GRAMD1C: variants seen among roughly 807,000 people sequenced by gnomAD.
The protein encoded by GRAMD1C is protein Aster-C.
In GRAMD1C, 89 loss-of-function variants were observed where a neutral mutation model predicts 97.8. The observed-to-expected ratio is 0.91, with a 90% CI of 0.77 to 1.09. The LOEUF is 1.09. GRAMD1C is among the 50% of genes least tolerant of loss of function. GRAMD1C has a pLI of 0.00. For missense variants in GRAMD1C, 740 were observed against 766.4 expected, an observed-to-expected ratio of 0.97 and a Z score of 0.41; for synonymous variants, 256 against 267.0, an observed-to-expected ratio of 0.96 and a Z score of 0.40.
intron 13 of GRAMD1C, among the ~76,000 whole-genome samples, chr3:113,935,042 C>A (rs758102575): frequency 2.0e-5 from 3 of 152,074 alleles, no homozygotes; most frequent in Non-Finnish European, 4.4e-5. Flanking sequence ...CCGTGCCTGG[C>A]CGAACAAACA....
rs1264917412 is a variant in GRAMD1C, at chr3:113,875,403, C to T, written c.260-81C>T. On this transcript the variant is annotated intron_variant, in intron 3 of 17. Transcript: ENST00000358160. ...CTAATGAACAAAAAGTGATGACTTT[C>T]CATCTGTTGAAATATAGTATAAGGT... is the stretch of plus-strand genomic sequence containing the variant. The T allele has an allele frequency of 4.3e-6, 3 of 699,232 alleles. No homozygotes were observed. The African/African-American group carries it at 5.3e-5, about 12-fold the overall frequency. The allele number at this position is 699,232 out of a possible 1,614,324, so 43.3% of individuals were successfully genotyped here.
intron 6 of GRAMD1C, chr3:113,885,270 C>A: frequency 7.3e-7 from 1 of 1,365,400 alleles, no homozygotes; most frequent in East Asian, 2.4e-5. Flanking sequence ...TGGGGGCCTC[C>A]GGGGCCGGCG....
chr3:113,925,896 C>T (rs1224384676), intron 10 of GRAMD1C, among the ~76,000 whole-genome samples: 1 of 152,210 alleles, frequency 6.6e-6, no homozygotes, highest in South Asian at 2.1e-4. Context: ...TATAGGCCCT[C>T]AAGCCCTCAA....
chr3:113,862,020 T>C (rs1934396531), intron 2 of GRAMD1C, among the ~76,000 whole-genome samples: 1 of 152,094 alleles, frequency 6.6e-6, no homozygotes, highest in Non-Finnish European at 1.5e-5. Context: ...ACAAATAGGG[T>C]GTGGGTCACA....
chr3:113,891,526 G>A (rs950101348), intron 6 of GRAMD1C, among the ~76,000 whole-genome samples: 2 of 151,786 alleles, frequency 1.3e-5, no homozygotes, highest in African/African-American at 4.8e-5. Context: ...ATACAGCATA[G>A]CTACAAAATT....
intron 2 of GRAMD1C, 190 bp downstream of exon 2, chr3:113,844,839 G>T: frequency 2.1e-6 from 1 of 474,366 alleles, no homozygotes; most frequent in Non-Finnish European, 3.7e-6. Flanking sequence ...CTGTTGTCTG[G>T]TTCGATGAAA....
rs774356091 is a variant in GRAMD1C, at chr3:113,933,663, T to C, written c.1352+10T>C. The C allele has an allele frequency of 1.3e-6, 2 of 1,583,630 alleles. No homozygotes were observed. The highest frequency in any genetic ancestry group is 1.7e-6 in the Non-Finnish European group (2 of 1,153,818). On this transcript the variant is annotated intron_variant, in intron 12 of 17. Transcript: ENST00000358160. ...AGAAATGCAGGCTAAGGTGAGCTGC[T>C]GTACATGAATGTGTTAGGATAGGCT...
intron 6 of GRAMD1C, among the ~76,000 whole-genome samples, chr3:113,898,367 C>G (rs1936017574): frequency 6.6e-6 from 1 of 151,974 alleles, no homozygotes; most frequent in South Asian, 2.1e-4. Flanking sequence ...TTGCTTGCTT[C>G]TCATTATAAA....
At chr3:113,929,944 T>A (rs1316226135) in intron 10 of GRAMD1C, among the ~76,000 whole-genome samples, 1 of 152,232 alleles carries the variant, frequency 6.6e-6, no homozygotes, top group Non-Finnish European at 1.5e-5. Context: ...CGATTTGTGC[T>A]GGGGCATTAG....
chr3:113,946,786 T>C lies in GRAMD1C; in HGVS notation c.*1308T>C, dbSNP rs536796759. 1 of 152,364 alleles carries C rather than the reference T, an allele frequency of 6.6e-6. No individual in the cohort carries two copies. The highest frequency in any genetic ancestry group is 1.9e-4 in the East Asian group (1 of 5,194). The allele number at this position is 152,364 out of a possible 1,614,324, so 9.4% of individuals were successfully genotyped here. A position where few individuals can be genotyped will look rare whatever the true frequency, so the allele number is the denominator to read the frequency against. ...CCACATGGCATTATTATAGTCATTT[T>C]TGAGATGCCTGTAGAGAATGAAAGT... On this transcript the variant is annotated 3_prime_UTR_variant, in exon 18 of 18. Coordinates refer to ENST00000358160, the MANE Select transcript of GRAMD1C (RefSeq NM_017577.5).
chr3:113,873,744 C>T (rs190511713), intron 3 of GRAMD1C, among the ~76,000 whole-genome samples: 2 of 152,162 alleles, frequency 1.3e-5, no homozygotes, highest in Non-Finnish European at 2.9e-5. Context: ...GTCTCAAACT[C>T]CTGACCTCAG....
At position 113,844,588 on chromosome 3, in the gene GRAMD1C, A is replaced by G. The variant is rs1269248398; in HGVS notation, c.113A>G (p.Asn38Ser). The change falls in exon 2 of 18, where the codon AAT becomes AGT. Residue 38 changes from asparagine to serine, a missense_variant. Coordinates refer to ENST00000358160, the MANE Select transcript of GRAMD1C (RefSeq NM_017577.5). ...CCTAGTCCAACTGTGGAAGAGAATA[A>G]TGTGGTAGTTAAAAAACAGGGGCCA... ...ENPSPTVEEN[N>S]VVVKKQGPNL... 6.2e-7 allele frequency: 1 copy of G among 1,604,534 alleles called. No homozygotes were observed. The highest frequency in any genetic ancestry group is 1.7e-5 in the Admixed American group (1 of 59,216).
chr3:113,895,979 C>T (rs1317429542), intron 6 of GRAMD1C, among the ~76,000 whole-genome samples: 1 of 152,164 alleles, frequency 6.6e-6, no homozygotes, highest in Non-Finnish European at 1.5e-5. Context: ...TAATTCTGAA[C>T]TTGTTACTTT....
intron 17 of GRAMD1C, among the ~76,000 whole-genome samples, chr3:113,943,457 C>T (rs1039276354): frequency 2.0e-5 from 3 of 152,154 alleles, no homozygotes; most frequent in Non-Finnish European, 4.4e-5. Flanking sequence ...AGTTAATTCC[C>T]ATCCCTCACT....
rs1709692133 is a variant in GRAMD1C at position 113,838,879 on chromosome 3, G to A, written c.-31G>A. ...GGGGCGGTGCGGTGCGGTGCGCGCG[G>A]GGCGGTGCCGCGGCGGCGGAGGGAG... On this transcript the variant is annotated 5_prime_UTR_variant, in exon 1 of 18. Coordinates refer to ENST00000358160, the MANE Select transcript of GRAMD1C (RefSeq NM_017577.5). The A allele has an allele frequency of 1.6e-6, 2 of 1,229,748 alleles. No homozygotes were observed. Among genetic ancestry groups the A allele is most frequent in the South Asian group, 4.1e-5 (1 of 24,402 alleles). 76.2% of individuals were successfully genotyped at this position (1,229,748 alleles called of 1,614,324 possible). A position where few individuals can be genotyped will look rare whatever the true frequency, so the allele number is the denominator to read the frequency against.
Position 113,841,285 on chromosome 3 carries a change from C to CTTTTTTTTTTTTTT in GRAMD1C, c.27+2352_27+2365dup, listed in dbSNP as rs772233296. 1.9e-3 allele frequency among the ~76,000 whole-genome samples: 178 copies of CTTTTTTTTTTTTTT among 94,304 alleles called. 11 individuals carry two copies. Among genetic ancestry groups the CTTTTTTTTTTTTTT allele is most frequent in the Non-Finnish European group, 2.3e-3 (118 of 50,396 alleles). 61.9% of individuals were successfully genotyped at this position (94,304 alleles called of 152,430 possible). The stretch of plus-strand genomic sequence containing the variant: ...TCACAAAGTACTTCTTTCTTTCTTT[C>CTTTTTTTTTTTTTT]TTTTTTTTTTTTTTTTGCGAGACAG... On this transcript the variant is annotated intron_variant, in intron 1 of 17. Coordinates refer to ENST00000358160, the MANE Select transcript of GRAMD1C (RefSeq NM_017577.5).
At chr3:113,888,059 A>G (rs1439111544) in intron 6 of GRAMD1C, among the ~76,000 whole-genome samples, 1 of 152,124 alleles carries the variant, frequency 6.6e-6, no homozygotes, top group Non-Finnish European at 1.5e-5. Flanking sequence ...CCAACTGTTT[A>G]CAGTAGAATT....
intron 5 of GRAMD1C, among the ~76,000 whole-genome samples, chr3:113,878,419 G>A (rs1373406055): frequency 6.6e-6 from 1 of 152,180 alleles, no homozygotes; most frequent in East Asian, 1.9e-4. Flanking sequence ...ACTGAAAGAA[G>A]CCAGTGTGTT....
At position 113,945,499 on chromosome 3, in the gene GRAMD1C, G is replaced by A. The variant is rs374346502; in HGVS notation, c.*21G>A. 188 of 1,286,928 alleles carry A rather than the reference G, an allele frequency of 1.5e-4. No homozygotes were observed. The African/African-American group carries it at 2.4e-3, about 16-fold the overall frequency. The allele number at this position is 1,286,928 out of a possible 1,614,324, so 79.7% of individuals were successfully genotyped here. The stretch of plus-strand genomic sequence containing the variant: ...GCTAGTGATCTGAAGGACTAAAACC[G>A]CAGAGATACTTGGAACTTAAAGAAA... On this transcript the variant is annotated 3_prime_UTR_variant, in exon 18 of 18. Transcript: ENST00000358160.
Sources: allele counts gnomAD v4.1 joint callset (sites outside exome capture counted in the v4.1 genomes callset), GRCh38; gene constraint gnomAD v4.1.1; transcripts MANE v1.5; gene names NCBI Gene and HGNC (gene_info 2026-07-23, HGNC 2026-07-21).